Variants in TUBB8 observed in about 807,000 individuals in gnomAD.
The protein encoded by TUBB8 is tubulin beta-8 chain.
Under a neutral mutation model 33.7 loss-of-function variants are expected in TUBB8, and 25 were observed. That is an observed-to-expected ratio of 0.74 (90% CI 0.54 to 1.04). TUBB8 has a LOEUF of 1.04. Among genes scored for constraint, TUBB8 ranks in the 50% least tolerant of loss-of-function variants. The pLI is 0.00. For missense variants in TUBB8, 279 were observed against 608.0 expected, an observed-to-expected ratio of 0.46 and a Z score of 5.69; for synonymous variants, 245 against 240.1, an observed-to-expected ratio of 1.02 and a Z score of -0.19.
chr10:49,419 C>T (rs528349673), upstream of TUBB8: 917 of 717,846 alleles, frequency 1.3e-3, 7 homozygotes, highest in South Asian at 6.3e-3. Context: ...TGTGGATCCC[C>T]TGGCGCTGAA....
intron 1 of TUBB8, among the ~76,000 whole-genome samples, chr10:65,279 T>C (rs1588279652): frequency 6.6e-6 from 1 of 152,188 alleles, no homozygotes; most frequent in South Asian, 2.1e-4. Flanking sequence ...TTCTGCTAAT[T>C]TTTTTCCCCT....
At chr10:67,389 G>C (rs1427920671) in intron 1 of TUBB8, among the ~76,000 whole-genome samples, 1 of 152,096 alleles carries the variant, frequency 6.6e-6, no homozygotes, top group African/African-American at 2.4e-5. Flanking sequence ...CTTCAGCAAT[G>C]TTTTGAAATT....
rs192990505 is a variant in TUBB8 at position 68,213 on chromosome 10, C to T, written c.-846+5756G>A. Among the ~76,000 whole-genome samples, 204 of 152,348 alleles carry T rather than the reference C, an allele frequency of 1.3e-3. 1 individual carries two copies. Among genetic ancestry groups the T allele is most frequent in the African/African-American group, 4.8e-3 (198 of 41,592 alleles). Reference sequence around the variant, plus strand: ...TATGACACCCACAAGACTGCTGTGACACCCATAAGACTGATGTGAAGCCCA... The same window carrying T: ...TATGACACCCACAAGACTGCTGTGATACCCATAAGACTGATGTGAAGCCCA... On this transcript the variant is annotated intron_variant, in intron 1 of 3. Transcript: ENST00000564130.
chr10:51,249 C>T (rs571120751), upstream of TUBB8, among the ~76,000 whole-genome samples: 1 of 152,248 alleles, frequency 6.6e-6, no homozygotes, highest in East Asian at 1.9e-4. Context: ...GCTGGGATTA[C>T]AGGCGCCCAC....
chr10:48,726 C>T lies in TUBB8; in HGVS notation c.167-1G>A, dbSNP rs1554738831. ...ACAGCGCGGGGCACGTACCTGCCAC[C>T]TGCGTGGGGCGGGAGGGCATGAGCG... is the stretch of plus-strand genomic sequence containing the variant. On this transcript the variant is annotated splice_acceptor_variant, in intron 2 of 3. Coordinates refer to ENST00000568584, the MANE Select transcript of TUBB8 (RefSeq NM_177987.3). LOFTEE classifies it high-confidence loss of function. 1.2e-6 allele frequency: 2 copies of T among 1,608,702 alleles called. No homozygotes were observed. The highest frequency in any genetic ancestry group is 8.5e-7 in the Non-Finnish European group (1 of 1,176,974).
At position 48,086 on chromosome 10, in the gene TUBB8, G is replaced by T. The variant is rs10904032; in HGVS notation, c.306C>A (p.Ala102=). 1 of 1,603,996 alleles carries T rather than the reference G, an allele frequency of 6.2e-7. No individual in the cohort carries two copies. The highest frequency in any genetic ancestry group is 2.2e-5 in the East Asian group (1 of 44,768). The change falls in exon 4 of 4, where the codon GCC becomes GCA. Residue 102 remains alanine (A), a synonymous_variant. Transcript: ENST00000568584. ...FGQCGAGNNW[A]KGHYTEGAEL... Reference sequence around the variant, plus strand: ...CCGCGCCTTCGGTGTAGTGTCCCTTGGCCCAGTTGTTTCCGGCCCCACACT... The same window carrying T: ...CCGCGCCTTCGGTGTAGTGTCCCTTTGCCCAGTTGTTTCCGGCCCCACACT...
At chr10:60,218 T>C (rs1167469479) in intron 1 of TUBB8, among the ~76,000 whole-genome samples, 1 of 152,118 alleles carries the variant, frequency 6.6e-6, no homozygotes, top group African/African-American at 2.4e-5. Context: ...GCAGCTTTTC[T>C]GATTTTTATA....
At chr10:65,470 A>G (rs1281453387) in intron 1 of TUBB8, among the ~76,000 whole-genome samples, 1 of 152,226 alleles carries the variant, frequency 6.6e-6, no homozygotes, top group Non-Finnish European at 1.5e-5. Context: ...CACACCTGAA[A>G]TCCCAGCACT....
rs1213425740 is a variant in TUBB8 at position 47,870 on chromosome 10, C to A, written c.522G>T (p.Lys174Asn). 1 of 1,614,120 alleles carries A rather than the reference C, an allele frequency of 6.2e-7. No individual in the cohort carries two copies. Among genetic ancestry groups the A allele is most frequent in the Non-Finnish European group, 8.5e-7 (1 of 1,180,058 alleles). The change falls in exon 4 of 4, where the codon AAG (lysine) becomes AAT (asparagine). Residue 174 changes from lysine (K) to asparagine (N), a missense_variant. Coordinates refer to ENST00000568584, the MANE Select transcript of TUBB8 (RefSeq NM_177987.3). ...INTFSILPSP[K>N]VSDTVVEPYN... ...AGGGCTCCACCACGGTGTCCGACAC[C>A]TTGGGCGAGGGCAGGATGCTGAATG... is the stretch of plus-strand genomic sequence containing the variant.
chr10:55,153 G>A (rs1290300384), intron 1 of TUBB8, among the ~76,000 whole-genome samples: 10 of 152,208 alleles, frequency 6.6e-5, no homozygotes, highest in African/African-American at 2.4e-4. Flanking sequence ...GGACGAGGAA[G>A]CAGGCACCTC....
chr10:60,972 A>G (rs1834594320), intron 1 of TUBB8, among the ~76,000 whole-genome samples: 1 of 151,762 alleles, frequency 6.6e-6, no homozygotes, highest in African/African-American at 2.4e-5. Context: ...AAACTATCGC[A>G]AGAACAAAAA....
intron 1 of TUBB8, among the ~76,000 whole-genome samples, chr10:68,316 A>G (rs149494231): frequency 0.078 from 8,388 of 107,710 alleles, no homozygotes; most frequent in African/African-American, 0.18. Context: ...TATGACACTC[A>G]TAAGACTGAT....
At chr10:64,975 TAAAAA>T (rs61340461) in intron 1 of TUBB8, among the ~76,000 whole-genome samples, 11,706 of 117,644 alleles carry the variant, frequency 0.1, 2 homozygotes, top group African/African-American at 0.17. Flanking sequence ...CCATCTCCAC[TAAAAA>T]AAAAAAAAAA....
upstream of TUBB8, among the ~76,000 whole-genome samples, chr10:52,040 G>A (rs546279840): frequency 2.0e-5 from 3 of 152,216 alleles, no homozygotes; most frequent in Non-Finnish European, 4.4e-5. Flanking sequence ...AGTCCAAAAA[G>A]AGAAAGTGGC....
chr10:72,423 T>C (rs1554742453), intron 1 of TUBB8, among the ~76,000 whole-genome samples: 5 of 150,440 alleles, frequency 3.3e-5, no homozygotes, highest in Non-Finnish European at 7.4e-5. Context: ...CCCGGCGTGG[T>C]GATGCAGGCC....
chr10:60,136 T>G (rs1295768587), intron 1 of TUBB8, among the ~76,000 whole-genome samples: 17 of 152,208 alleles, frequency 1.1e-4, no homozygotes, highest in Non-Finnish European at 4.4e-5. Context: ...TATTATTCTT[T>G]TCTTCTAATT....
intron 1 of TUBB8, among the ~76,000 whole-genome samples, chr10:60,644 C>T (rs1212146208): frequency 6.6e-6 from 1 of 152,194 alleles, no homozygotes; most frequent in Non-Finnish European, 1.5e-5. Context: ...TCAACTAGTT[C>T]AACCATTGTG....
upstream of TUBB8, among the ~76,000 whole-genome samples, chr10:51,875 C>G (rs7084251): frequency 0.072 from 10,957 of 152,170 alleles, 414 homozygotes; most frequent in Non-Finnish European, 0.081. Context: ...GACATCAAGG[C>G]TAAAAGTCAG....
chr10:72,650 A>C (rs1196548004), intron 1 of TUBB8, among the ~76,000 whole-genome samples: 3 of 152,184 alleles, frequency 2.0e-5, no homozygotes, highest in African/African-American at 7.2e-5. Context: ...CAGAAGTTCA[A>C]GACCAGCCTG....
Sources: gnomAD v4.1 joint callset for allele counts (sites outside exome capture counted in the v4.1 genomes callset) on GRCh38, gnomAD v4.1.1 for gene constraint, MANE v1.5 for transcripts, NCBI Gene and HGNC (gene_info 2026-07-23, HGNC 2026-07-21) for gene names.